ANKFN1: variants seen among roughly 807,000 people sequenced by gnomAD.
ANKFN1 encodes the protein ankyrin repeat and fibronectin type-III domain-containing protein 1.
ANKFN1 carries 74 observed loss-of-function variants against 108.7 expected under a neutral mutation model. The ratio of observed to expected loss-of-function variants is 0.68; its 90% CI spans 0.56 to 0.83. The LOEUF is 0.83. Ranked by LOEUF, ANKFN1 falls within the 40% of genes least tolerant of loss-of-function variation. The probability of loss-of-function intolerance (pLI) is 0.00; values close to 1 mark genes in which losing one functional copy is unlikely to be tolerated. For missense variants in ANKFN1, 1,505 were observed against 1,382.3 expected (o/e 1.09, Z -1.41); for synonymous variants, 547 against 516.2 (o/e 1.06, Z -0.81).
chr17:56,048,950 A>G (rs892010054), intron 4 of ANKFN1, among the ~76,000 whole-genome samples: 2 of 152,146 alleles, frequency 1.3e-5, no homozygotes, highest in African/African-American at 4.8e-5. Context: ...TAATCAGGGG[A>G]AAAAAATAAC....
intron 20 of ANKFN1, among the ~76,000 whole-genome samples, chr17:56,507,901 T>C (rs2051620654): frequency 6.6e-6 from 1 of 152,188 alleles, no homozygotes; most frequent in East Asian, 1.9e-4. Flanking sequence ...TTCATTAAAA[T>C]CCACTTTCAT....
chr17:56,350,935 A>C lies in ANKFN1; in HGVS notation c.358A>C (p.Thr120Pro). ...SFDEAYFRTRTDRLSLRKTSV... is the reference protein window; with the variant it reads ...SFDEAYFRTRPDRLSLRKTSV... Reference sequence around the variant, plus strand: ...CGATGAGGCCTATTTTAGGACAAGAACTGATCGGCTGAGTCTCAGGAAGAC... The same window carrying C: ...CGATGAGGCCTATTTTAGGACAAGACCTGATCGGCTGAGTCTCAGGAAGAC... Residue 120 changes from threonine (T) to proline (P), a missense_variant, in exon 5 of 21, where the codon ACT becomes CCT. Coordinates refer to ENST00000682825, the MANE Select transcript of ANKFN1 (RefSeq NM_001370326.1). The C allele has an allele frequency of 6.2e-7, 1 of 1,613,624 alleles. No individual in the cohort carries two copies. The highest frequency in any genetic ancestry group is 8.5e-7 in the Non-Finnish European group (1 of 1,179,802).
In ANKFN1 at chr17:56,513,958, A is replaced by C. The variant is rs1371550682; in HGVS notation, c.*2689A>C. 6.6e-6 allele frequency among the ~76,000 whole-genome samples: 1 copy of C among 152,196 alleles called. No homozygotes were observed. Among genetic ancestry groups the C allele is most frequent in the Non-Finnish European group, 1.5e-5 (1 of 68,028 alleles). On this transcript the variant is annotated 3_prime_UTR_variant, in exon 21 of 21. Transcript: ENST00000682825. ...CAGTTTAAATTAATACATTCTTGTG[A>C]GAGACAACTGTGTTCTCTAATTCAC... is the stretch of plus-strand genomic sequence containing the variant.
intron 8 of ANKFN1, among the ~76,000 whole-genome samples, chr17:56,392,827 C>A (rs1296378965): frequency 2.0e-5 from 3 of 152,124 alleles, no homozygotes; most frequent in Non-Finnish European, 4.4e-5. Flanking sequence ...GTTAGAGGAA[C>A]CATATTTCAG....
intron 3 of ANKFN1, among the ~76,000 whole-genome samples, chr17:56,308,244 A>G (rs1026782687): frequency 1.5e-4 from 23 of 152,192 alleles, no homozygotes; most frequent in African/African-American, 5.3e-4. Context: ...TAATAAAAAA[A>G]AAAAAGAAGT....
chr17:56,220,806 G>GA (rs1567845889), intron 2 of ANKFN1, among the ~76,000 whole-genome samples: 1 of 73,900 alleles, frequency 1.4e-5, no homozygotes, highest in Non-Finnish European at 2.3e-5. Context: ...AAGGGAGGGA[G>GA]GGAGGAAGGA....
intron 4 of ANKFN1, among the ~76,000 whole-genome samples, chr17:56,052,183 C>G (rs898642893): frequency 6.6e-6 from 1 of 152,160 alleles, no homozygotes; most frequent in Non-Finnish European, 1.5e-5. Context: ...TACAAGGCTA[C>G]AGTAACCAAA....
chr17:56,326,236 C>A lies in ANKFN1; in HGVS notation c.69C>A (p.Phe23Leu). Residue 23 changes from phenylalanine (F) to leucine (L), a missense_variant, in exon 4 of 21, where the codon TTC becomes TTA. By Grantham distance (22) the Phe-to-Leu change is conservative (BLOSUM62 0). Coordinates refer to ENST00000682825, the MANE Select transcript of ANKFN1 (RefSeq NM_001370326.1). Reference sequence around the variant, plus strand: ...CTTTACACAGAATAGGAAGGAGATTCGCTTGCTTTGCACAGAGGCTGAGCC... The same window carrying A: ...CTTTACACAGAATAGGAAGGAGATTAGCTTGCTTTGCACAGAGGCTGAGCC... ...FTCSKIIGRR[F>L]ACFAQRLSHR... 1 of 1,612,490 alleles carries A rather than the reference C, an allele frequency of 6.2e-7. No homozygotes were observed. The highest frequency in any genetic ancestry group is 8.5e-7 in the Non-Finnish European group (1 of 1,179,338).
intron 3 of ANKFN1, among the ~76,000 whole-genome samples, chr17:56,298,039 C>T (rs2044564039): frequency 6.6e-6 from 1 of 152,172 alleles, no homozygotes; most frequent in Admixed American, 6.5e-5. Context: ...CTAGAAGCAG[C>T]AGCATCTGGA....
At chr17:56,425,753 C>G (rs945192751) in intron 8 of ANKFN1, among the ~76,000 whole-genome samples, 5 of 152,228 alleles carry the variant, frequency 3.3e-5, no homozygotes, top group Admixed American at 6.5e-5. Context: ...CCTAACCACT[C>G]CCTGCCAGAC....
chr17:56,505,385 G>A (rs1598735884), intron 20 of ANKFN1, among the ~76,000 whole-genome samples: 2 of 152,282 alleles, frequency 1.3e-5, no homozygotes, highest in South Asian at 4.2e-4. Context: ...TAGCACAAGA[G>A]GTTACTAATA....
intron 6 of ANKFN1, among the ~76,000 whole-genome samples, chr17:56,361,772 C>T (rs111781528): frequency 5.3e-5 from 8 of 152,128 alleles, no homozygotes; most frequent in South Asian, 2.1e-4. Flanking sequence ...ACCCCACTTC[C>T]GAGCTTACTC....
In ANKFN1 at chr17:56,457,068, A is replaced by G. The variant is rs112217107; in HGVS notation, c.1307+108A>G. 9.1e-4 allele frequency: 1,131 copies of G among 1,237,346 alleles called. 6 individuals are homozygous for G. The highest frequency in any genetic ancestry group is 8.8e-3 in the African/African-American group (574 of 65,372). 76.6% of individuals were successfully genotyped at this position (1,237,346 alleles called of 1,614,324 possible). A position where few individuals can be genotyped will look rare whatever the true frequency, so the allele number is the denominator to read the frequency against. On this transcript the variant is annotated intron_variant, in intron 12 of 20. Coordinates refer to ENST00000682825, the MANE Select transcript of ANKFN1 (RefSeq NM_001370326.1). ...ATTTTTTTGTGTTCAAAACAATAAA[A>G]TTCACTTTTCTCCTGAGAATTTGTG...
intron 4 of ANKFN1, among the ~76,000 whole-genome samples, chr17:56,331,285 C>A (rs1212467450): frequency 6.6e-6 from 1 of 152,166 alleles, no homozygotes; most frequent in African/African-American, 2.4e-5. Flanking sequence ...CATACCTGAA[C>A]TACCCTCTGA....
intron 4 of ANKFN1, among the ~76,000 whole-genome samples, chr17:56,089,354 A>C (rs1393378658): frequency 6.6e-6 from 1 of 151,426 alleles, no homozygotes; most frequent in Admixed American, 6.6e-5. Flanking sequence ...CATAAATAAT[A>C]CTGCGATAAA....
At chr17:56,214,624 A>G (rs1243808704) in intron 2 of ANKFN1, among the ~76,000 whole-genome samples, 1 of 152,150 alleles carries the variant, frequency 6.6e-6, no homozygotes, top group Admixed American at 6.5e-5. Context: ...TGCAGGTCCC[A>G]CTAACTCCTC....
chr17:56,078,493 T>C (rs1386014266), intron 4 of ANKFN1, among the ~76,000 whole-genome samples: 3 of 152,230 alleles, frequency 2.0e-5, no homozygotes, highest in African/African-American at 7.2e-5. Flanking sequence ...ATACCTTTGT[T>C]AGCTGTCCAT....
chr17:56,232,804 A>T (rs1017818445), intron 3 of ANKFN1, among the ~76,000 whole-genome samples: 1 of 152,158 alleles, frequency 6.6e-6, no homozygotes, highest in South Asian at 2.1e-4. Flanking sequence ...CAACACCCAG[A>T]CTGGGACCTA....
chr17:56,062,559 C>CTTTTTTTTTTTTTTTTTTTTTTTTTTTT (rs3085080), intron 4 of ANKFN1, among the ~76,000 whole-genome samples: 5 of 134,512 alleles, frequency 3.7e-5, no homozygotes, highest in African/African-American at 1.5e-4. Context: ...GTAATCTCTG[C>CTTTTTTTTTTTTTTTTTTTTTTTTTTTT]TTTTTTTTTT....
Sources: allele counts gnomAD v4.1 joint callset (sites outside exome capture counted in the v4.1 genomes callset), GRCh38; gene constraint gnomAD v4.1.1; transcripts MANE v1.5; gene names NCBI Gene and HGNC (gene_info 2026-07-23, HGNC 2026-07-21).